The following NALCN variants were observed in gnomAD, a reference collection of about 807,000 sequenced individuals.
The protein encoded by NALCN is sodium leak channel, non-selective, also known as sodium leak channel NALCN.
A neutral mutation model predicts 225.3 loss-of-function variants in NALCN; 111 were observed. That is an observed-to-expected ratio of 0.49 (90% CI 0.42 to 0.58). NALCN has a LOEUF of 0.58. Among genes scored for constraint, NALCN ranks in the 20% least tolerant of loss-of-function variants. The pLI is 0.00. For missense variants in NALCN, 1,378 were observed against 2,202.4 expected (o/e 0.63, Z 7.49); for synonymous variants, 764 against 769.0 (o/e 0.99, Z 0.11).
At chr13:101,258,697 G>C (rs2042321277) in intron 10 of NALCN, 123 bp from the exon 11 acceptor site, 3 of 1,356,082 alleles carry the variant, frequency 2.2e-6, no homozygotes, top group South Asian at 2.7e-5. Context: ...GGGCTTCCAA[G>C]ATAAAGCCAT....
chr13:101,231,115 A>G (rs1213014515), intron 12 of NALCN, among the ~76,000 whole-genome samples: 1 of 152,176 alleles, frequency 6.6e-6, no homozygotes, highest in Non-Finnish European at 1.5e-5. Context: ...AGTAAACTCT[A>G]TGATCACACG....
chr13:101,068,307 G>C (rs1211850866), intron 38 of NALCN, among the ~76,000 whole-genome samples: 2 of 152,156 alleles, frequency 1.3e-5, no homozygotes, highest in Admixed American at 1.3e-4. Context: ...ACTCTTAGTT[G>C]AGAGTTCCAG....
intron 6 of NALCN, among the ~76,000 whole-genome samples, chr13:101,364,401 T>C (rs2046328172): frequency 6.6e-6 from 1 of 152,166 alleles, no homozygotes; most frequent in African/African-American, 2.4e-5. Context: ...TATTCAGCCA[T>C]AAAAATGAGT....
intron 15 of NALCN, among the ~76,000 whole-genome samples, chr13:101,175,492 T>G (rs2038924213): frequency 6.6e-6 from 1 of 152,222 alleles, no homozygotes; most frequent in Non-Finnish European, 1.5e-5. Flanking sequence ...GTTAACATTA[T>G]AACAGGTGTG....
intron 13 of NALCN, among the ~76,000 whole-genome samples, chr13:101,194,838 T>C (rs905334816): frequency 6.6e-6 from 1 of 152,116 alleles, no homozygotes; most frequent in African/African-American, 2.4e-5. Flanking sequence ...ACCCCGTCTC[T>C]ACTAAAAATA....
At chr13:101,267,301 T>G (rs988590606) in intron 10 of NALCN, among the ~76,000 whole-genome samples, 2 of 152,168 alleles carry the variant, frequency 1.3e-5, no homozygotes. Flanking sequence ...AAACTAGATT[T>G]TAACAAGAAG....
At chr13:101,236,665 CA>C (rs1202256393) in intron 12 of NALCN, among the ~76,000 whole-genome samples, 1 of 149,180 alleles carries the variant, frequency 6.7e-6, no homozygotes, top group Non-Finnish European at 1.5e-5. Context: ...ATCGCAAGAA[CA>C]AAAAACCAAA....
intron 17 of NALCN, among the ~76,000 whole-genome samples, chr13:101,135,021 T>C (rs1043172435): frequency 1.7e-4 from 26 of 152,130 alleles, no homozygotes; most frequent in South Asian, 4.1e-4. Flanking sequence ...GGTGAAACCC[T>C]GTCTCTACTA....
chr13:101,217,021 G>A (rs1229777982), intron 13 of NALCN, among the ~76,000 whole-genome samples: 5 of 152,110 alleles, frequency 3.3e-5, no homozygotes, highest in African/African-American at 1.2e-4. Flanking sequence ...CTAAACATAT[G>A]AGGTCTGTTT....
intron 4 of NALCN, 58 bp from the exon 5 acceptor site, chr13:101,377,114 C>G: frequency 6.2e-7 from 1 of 1,606,004 alleles, no homozygotes; most frequent in South Asian, 1.1e-5. Flanking sequence ...TGCTTATAGT[C>G]ATGGAACATA....
chr13:101,105,430 T>C (rs918473449), intron 22 of NALCN, among the ~76,000 whole-genome samples: 1 of 152,196 alleles, frequency 6.6e-6, no homozygotes, highest in African/African-American at 2.4e-5. Flanking sequence ...GAGTCGTTGT[T>C]TCTACTTTCA....
At chr13:101,186,652 T>C (rs533397079) in intron 14 of NALCN, among the ~76,000 whole-genome samples, 24 of 152,192 alleles carry the variant, frequency 1.6e-4, no homozygotes, top group African/African-American at 3.6e-4. Flanking sequence ...TAAAAAATAA[T>C]TTAGAAATTT....
intron 18 of NALCN, among the ~76,000 whole-genome samples, chr13:101,123,999 T>C (rs1469701662): frequency 1.3e-5 from 2 of 152,218 alleles, no homozygotes; most frequent in Non-Finnish European, 2.9e-5. Context: ...GTAATATATG[T>C]ACCAATAAAT....
At chr13:101,134,816 A>G (rs1312120421) in intron 17 of NALCN, among the ~76,000 whole-genome samples, 2 of 152,246 alleles carry the variant, frequency 1.3e-5, no homozygotes, top group Admixed American at 1.3e-4. Context: ...CAAATAATGA[A>G]ACTGTGCAAA....
chr13:101,262,821 G>C (rs1377385399), intron 10 of NALCN, among the ~76,000 whole-genome samples: 1 of 152,122 alleles, frequency 6.6e-6, no homozygotes, highest in South Asian at 2.1e-4. Flanking sequence ...TGTGGCCCCA[G>C]GGGAGTTACT....
Position 101,232,189 on chromosome 13 carries a change from C to T in NALCN, c.1435-2605G>A, listed in dbSNP as rs142436807. On this transcript the variant is annotated intron_variant, in intron 12 of 43. Coordinates refer to ENST00000251127, the MANE Select transcript of NALCN (RefSeq NM_052867.4). ...ACACCATATCGGCCTCTGAATTTTG[C>T]CATACCTGAAACCACGTTTACTGCA... 3.1e-3 allele frequency among the ~76,000 whole-genome samples: 477 copies of T among 151,910 alleles called. 3 individuals carry two copies. Among genetic ancestry groups the T allele is most frequent in the African/African-American group, 8.3e-3 (345 of 41,430 alleles).
In NALCN at chr13:101,310,061, C is replaced by T. The variant is rs369070489; in HGVS notation, c.800-17695G>A. ...AAGTAAACATGAACACTATATTCAG[C>T]ATCTTCTGTGACCTCCACTGCTACC... On this transcript the variant is annotated intron_variant, in intron 7 of 43. Transcript: ENST00000251127. Among the ~76,000 whole-genome samples, 10 of 152,254 alleles carry T rather than the reference C, an allele frequency of 6.6e-5. 1 individual carries two copies. The highest frequency in any genetic ancestry group is 3.3e-4 in the Admixed American group (5 of 15,296).
At chr13:101,217,157 C>T (rs990567124) in intron 13 of NALCN, among the ~76,000 whole-genome samples, 7 of 152,042 alleles carry the variant, frequency 4.6e-5, no homozygotes, top group African/African-American at 1.7e-4. Context: ...GGAGGAAAAA[C>T]TGAGTAAAAT....
At position 101,354,301 on chromosome 13, in the gene NALCN, C is replaced by A. The variant is rs59075856; in HGVS notation, c.645-8881G>T. Among the ~76,000 whole-genome samples the A allele has an allele frequency of 3.2e-3, 493 of 152,226 alleles. 1 individual carries two copies. The highest frequency in any genetic ancestry group is 0.011 in the African/African-American group (467 of 41,532). On this transcript the variant is annotated intron_variant, in intron 6 of 43. Coordinates refer to ENST00000251127, the MANE Select transcript of NALCN (RefSeq NM_052867.4). ...GAGGTTGCACTGAGCCAACATCATG[C>A]CACTGAACTACAGCCTGGGCAACAG... is the stretch of plus-strand genomic sequence containing the variant.
Sources: gnomAD v4.1 joint callset for allele counts (sites outside exome capture counted in the v4.1 genomes callset) on GRCh38, gnomAD v4.1.1 for gene constraint, MANE v1.5 for transcripts, NCBI Gene and HGNC (gene_info 2026-07-23, HGNC 2026-07-21) for gene names.